The following KCNQ1OT1 variants were observed in gnomAD, a reference collection of about 807,000 sequenced individuals.
KCNQ1OT1 encodes KCNQ1 antisense RNA 2 (non-protein coding).
chr11:2,618,685 C>A, exon 1 of KCNQ1OT1: 1 of 398,418 alleles, frequency 2.5e-6, no homozygotes, highest in East Asian at 3.6e-5. Flanking sequence ...ACTTAAGGTT[C>A]TTGCTATTCC....
Position 2,624,564 on chromosome 11 carries a change from T to C in KCNQ1OT1, n.75431A>G, listed in dbSNP as rs80127491. On this transcript the variant is annotated non_coding_transcript_exon_variant, in exon 1 of 1. Transcript: ENST00000597346. This position sits in a 1 kb window ranked among gnomAD's most constrained non-coding sequence, Gnocchi z 4.9. ...TATTTGTTGTTGATTTCCAAATCTT[T>C]TATTGTGGCAAAATACACTTAACAT... 5,157 of 398,544 alleles carry C rather than the reference T, an allele frequency of 0.013. 158 individuals are homozygous for C. Among genetic ancestry groups the C allele is most frequent in the East Asian group, 0.081 (2,283 of 28,046 alleles). The allele number at this position is 398,544 out of a possible 1,614,324, so 24.7% of individuals were successfully genotyped here.
In KCNQ1OT1 at chr11:2,642,239, C is replaced by G. The variant is rs1159882298; in HGVS notation, n.57756G>C. 2.5e-6 allele frequency: 1 copy of G among 398,202 alleles called. No homozygotes were observed. The highest frequency in any genetic ancestry group is 2.1e-5 in the African/African-American group (1 of 48,590). 24.7% of individuals were successfully genotyped at this position (398,202 alleles called of 1,614,324 possible). On this transcript the variant is annotated non_coding_transcript_exon_variant, in exon 1 of 1. Coordinates refer to ENST00000597346, the Ensembl canonical transcript of KCNQ1OT1. This position sits in a 1 kb window ranked among gnomAD's most constrained non-coding sequence, Gnocchi z 4.3. ...GGTCATTTTAATTTTGTTAATTCTCCCAATCCATGAGAATGGGATGTTTTT... is the reference window on the plus strand; with the variant it reads ...GGTCATTTTAATTTTGTTAATTCTCGCAATCCATGAGAATGGGATGTTTTT...
In KCNQ1OT1 at chr11:2,612,952, T is replaced by A; in HGVS notation, n.87043A>T. 2 of 398,646 alleles carry A rather than the reference T, an allele frequency of 5.0e-6. No individual in the cohort carries two copies. The highest frequency in any genetic ancestry group is 8.8e-6 in the Non-Finnish European group (2 of 226,066). The allele number at this position is 398,646 out of a possible 1,614,324, so 24.7% of individuals were successfully genotyped here. On this transcript the variant is annotated non_coding_transcript_exon_variant, in exon 1 of 1. Transcript: ENST00000597346. This position sits in a 1 kb window ranked among gnomAD's most constrained non-coding sequence, Gnocchi z 5.5. ...TTCTCTGCATGGATTCTGCAGAGTC[T>A]GTGTTCTCCTGCAGTGTGCAGCCAC...
At chr11:2,655,978 C>T (rs1312115721) in exon 1 of KCNQ1OT1, 1 of 398,682 alleles carries the variant, frequency 2.5e-6, no homozygotes, top group Non-Finnish European at 4.4e-6. Flanking sequence ...CTCTGGGCAG[C>T]CAACTGATGT....
chr11:2,649,113 A>T (rs1420548271), exon 1 of KCNQ1OT1: 1 of 396,580 alleles, frequency 2.5e-6, no homozygotes, highest in African/African-American at 2.1e-5. Context: ...TTACAGGTGA[A>T]GTCAGTTTCT....
At position 2,645,461 on chromosome 11, in the gene KCNQ1OT1, G is replaced by T. The variant is rs909439087; in HGVS notation, n.54534C>A. ...TGACTGTGGTAGGCAGGCACAGGAA[G>T]ATCCCTGTATACCCTGCTGAATGCT... is the stretch of plus-strand genomic sequence containing the variant. On this transcript the variant is annotated non_coding_transcript_exon_variant, in exon 1 of 1. Transcript: ENST00000597346. The surrounding 1 kb of genome is among the most constrained non-coding windows in gnomAD (Gnocchi z 5.8). The T allele has an allele frequency of 7.5e-6, 3 of 398,584 alleles. No individual in the cohort carries two copies. Among genetic ancestry groups the T allele is most frequent in the Non-Finnish European group, 8.8e-6 (2 of 226,130 alleles). The allele number at this position is 398,584 out of a possible 1,614,324, so 24.7% of individuals were successfully genotyped here. A position where few individuals can be genotyped will look rare whatever the true frequency, so the allele number is the denominator to read the frequency against.
exon 1 of KCNQ1OT1, chr11:2,650,881 T>C (rs916442748): frequency 7.5e-6 from 3 of 398,532 alleles, no homozygotes; most frequent in East Asian, 3.6e-5. Context: ...TCAGAGGGGA[T>C]GAGGAGCAGC....
chr11:2,676,378 G>A lies in KCNQ1OT1; in HGVS notation n.23617C>T, dbSNP rs1850294767. 2 of 398,532 alleles carry A rather than the reference G, an allele frequency of 5.0e-6. No homozygotes were observed. Among genetic ancestry groups the A allele is most frequent in the South Asian group, 1.3e-4 (1 of 7,866 alleles). 24.7% of individuals were successfully genotyped at this position (398,532 alleles called of 1,614,324 possible). A position where few individuals can be genotyped will look rare whatever the true frequency, so the allele number is the denominator to read the frequency against. Reference sequence around the variant, plus strand: ...TGGGCTTCCAGTATAATTGGAAGGAGCATAGTCTCTGTGTTCAGCTAGAGA... The same window carrying A: ...TGGGCTTCCAGTATAATTGGAAGGAACATAGTCTCTGTGTTCAGCTAGAGA... On this transcript the variant is annotated non_coding_transcript_exon_variant, in exon 1 of 1. Coordinates refer to ENST00000597346, the Ensembl canonical transcript of KCNQ1OT1. This position sits in a 1 kb window ranked among gnomAD's most constrained non-coding sequence, Gnocchi z 4.2.
At chr11:2,641,359 T>TG (rs1849574077) in exon 1 of KCNQ1OT1, 1 of 398,346 alleles carries the variant, frequency 2.5e-6, no homozygotes, top group Admixed American at 4.4e-5. Flanking sequence ...ACTATGGTTT[T>TG]GGCTTGCATT....
exon 1 of KCNQ1OT1, chr11:2,644,161 G>T (rs943096650): frequency 4.5e-5 from 18 of 398,394 alleles, no homozygotes; most frequent in African/African-American, 3.5e-4. Context: ...AAGTGTTCAG[G>T]TATTATTTCA....
In KCNQ1OT1 at chr11:2,679,688, AT is replaced by A. The variant is rs550813650; in HGVS notation, n.20306del. 214 of 398,358 alleles carry A rather than the reference AT, an allele frequency of 5.4e-4. 1 individual carries two copies. Among genetic ancestry groups the A allele is most frequent in the African/African-American group, 3.9e-3 (191 of 48,646 alleles). The allele number at this position is 398,358 out of a possible 1,614,324, so 24.7% of individuals were successfully genotyped here. ...TAGGATGCATAGGATCCCAGATTAG[AT>A]TTTTTTTAAATCAGCCGTTCTCTGT... On this transcript the variant is annotated non_coding_transcript_exon_variant, in exon 1 of 1. Coordinates refer to ENST00000597346, the Ensembl canonical transcript of KCNQ1OT1. This position sits in a 1 kb window ranked among gnomAD's most constrained non-coding sequence, Gnocchi z 4.8.
exon 1 of KCNQ1OT1, chr11:2,662,203 C>T: frequency 7.3e-7 from 1 of 1,362,076 alleles, no homozygotes; most frequent in South Asian, 1.3e-5. Flanking sequence ...TAGTGCCCAC[C>T]ACTTGCCGTC....
rs231341 is a variant in KCNQ1OT1 at position 2,657,820 on chromosome 11, A to G, written n.42175T>C. ...CAGGTGTCATTGTCCCTCAGTTTGG[A>G]TTTGTCTGGTGTTTTCTCAGGACTA... is the stretch of plus-strand genomic sequence containing the variant. On this transcript the variant is annotated non_coding_transcript_exon_variant, in exon 1 of 1. Coordinates refer to ENST00000597346, the Ensembl canonical transcript of KCNQ1OT1. This position sits in a 1 kb window ranked among gnomAD's most constrained non-coding sequence, Gnocchi z 4.8. The G allele has an allele frequency of 0.11, 43,525 of 398,292 alleles. 2,643 individuals carry two copies. Among genetic ancestry groups the G allele is most frequent in the Middle Eastern group, 0.16 (253 of 1,588 alleles). 24.7% of individuals were successfully genotyped at this position (398,292 alleles called of 1,614,324 possible).
At chr11:2,636,924 G>A (rs1849478699) in exon 1 of KCNQ1OT1, 1 of 152,186 alleles carries the variant, frequency 6.6e-6, no homozygotes, top group African/African-American at 2.4e-5. Context: ...AAGGGTGTAT[G>A]TCTCCAGGAA....
chr11:2,656,907 G>A, exon 1 of KCNQ1OT1: 1 of 398,586 alleles, frequency 2.5e-6, no homozygotes, highest in Admixed American at 4.4e-5. Flanking sequence ...TATGATGTGA[G>A]GTAATTAAGG....
chr11:2,610,982 A>AAG (rs1344400729), exon 1 of KCNQ1OT1: 3 of 398,110 alleles, frequency 7.5e-6, no homozygotes, highest in Non-Finnish European at 1.3e-5. Context: ...AGTTAGTACT[A>AAG]TTATTGTTGA....
rs1849654244 is a variant in KCNQ1OT1 at position 2,645,622 on chromosome 11, T to A, written n.54373A>T. The A allele has an allele frequency of 5.0e-6, 2 of 398,532 alleles. No homozygotes were observed. Among genetic ancestry groups the A allele is most frequent in the African/African-American group, 4.1e-5 (2 of 48,596 alleles). The allele number at this position is 398,532 out of a possible 1,614,324, so 24.7% of individuals were successfully genotyped here. On this transcript the variant is annotated non_coding_transcript_exon_variant, in exon 1 of 1. Transcript: ENST00000597346. This position sits in a 1 kb window ranked among gnomAD's most constrained non-coding sequence, Gnocchi z 5.8. ...CCCCAGGTGGTGACTATGGGCAGGG[T>A]CACCTTTCCTCATGGCAGCCTTGCT...
chr11:2,625,608 A>AC, exon 1 of KCNQ1OT1: 1 of 381,830 alleles, frequency 2.6e-6, no homozygotes, highest in South Asian at 1.3e-4. Context: ...ATGGAGTCTC[A>AC]CTCTGTTGCC....
At chr11:2,681,633 A>ACCCC (rs1850399773) in exon 1 of KCNQ1OT1, 1 of 42,068 alleles carries the variant, frequency 2.4e-5, no homozygotes, top group Non-Finnish European at 4.2e-5. Context: ...AACCTCCCCC[A>ACCCC]ACCTATCTCT....
Sources: gnomAD v4.1 joint callset for allele counts on GRCh38, gnomAD v4.1.1 for gene constraint, Gnocchi (gnomAD v3.1) non-coding constraint, MANE v1.5 for transcripts, NCBI Gene and HGNC (gene_info 2026-07-23, HGNC 2026-07-21) for gene names.